The following EPHX1 variants were observed in gnomAD, a reference collection of about 807,000 sequenced individuals.
EPHX1 encodes epoxide hydrolase 1, also known as epoxide hydratase.
A neutral mutation model predicts 43.2 loss-of-function variants in EPHX1; 40 were observed. The ratio of observed to expected loss-of-function variants is 0.93; its 90% CI spans 0.72 to 1.21. EPHX1 has a LOEUF of 1.21. Among genes scored for constraint, EPHX1 ranks in the 50% most tolerant of loss-of-function variants. The probability of loss-of-function intolerance (pLI) is 0.00; values close to 1 mark genes in which losing one functional copy is unlikely to be tolerated. For synonymous variants in EPHX1, 221 were observed against 226.7 expected, an observed-to-expected ratio of 0.98 and a Z score of 0.22; for missense variants, 550 against 570.4, an observed-to-expected ratio of 0.96 and a Z score of 0.36.
At chr1:225,839,080 T>TC in intron 4 of EPHX1, 137 bp from the exon 5 acceptor site, 9 of 1,456,844 alleles carry the variant, frequency 6.2e-6, no homozygotes, top group Non-Finnish European at 7.5e-6. Flanking sequence ...GCTCCAGGAT[T>TC]CCTTCTTGCC....
chr1:225,828,824 G>T lies in EPHX1; in HGVS notation c.95G>T (p.Gly32Val). ...DKEETLPLED[G>V]WWGPGTRSAA... ...GAGGAAACTTTGCCACTTGAAGATGGGTGGTGGGGGCCAGGCACGAGGTCC... is the reference window on the plus strand; with the variant it reads ...GAGGAAACTTTGCCACTTGAAGATGTGTGGTGGGGGCCAGGCACGAGGTCC... Residue 32 changes from glycine to valine, a missense_variant, in exon 2 of 9, where the codon GGG becomes GTG. Gly to Val is a moderately radical substitution (Grantham distance 109, BLOSUM62 -3). Transcript: ENST00000272167. The T allele has an allele frequency of 6.2e-7, 1 of 1,613,484 alleles. No individual in the cohort carries two copies. The highest frequency in any genetic ancestry group is 8.5e-7 in the Non-Finnish European group (1 of 1,179,816).
intron 1 of EPHX1, among the ~76,000 whole-genome samples, chr1:225,819,966 G>A (rs542086556): frequency 6.6e-5 from 10 of 152,324 alleles, no homozygotes; most frequent in South Asian, 2.1e-4. Context: ...ATCTGATGGC[G>A]TATTTGCCGC....
At chr1:225,837,862 A>G (rs1226876851) in intron 3 of EPHX1, among the ~76,000 whole-genome samples, 2 of 152,202 alleles carry the variant, frequency 1.3e-5, no homozygotes, top group Non-Finnish European at 1.5e-5. Context: ...TGGTAATCAG[A>G]AAAAGGTGAC....
At chr1:225,841,587 C>CCCACTGTCCCAGCCTTTTTTTTTT (rs1668419730) in intron 6 of EPHX1, among the ~76,000 whole-genome samples, 1 of 144,342 alleles carries the variant, frequency 6.9e-6, no homozygotes, top group Non-Finnish European at 1.5e-5. Flanking sequence ...CCCAGCCTGT[C>CCCACTGTCCCAGCCTTTTTTTTTT]CCACTGTCCC....
intron 1 of EPHX1, chr1:225,825,216 G>A (rs944973574): frequency 7.9e-5 from 12 of 152,184 alleles, no homozygotes; most frequent in Admixed American, 7.2e-4. Context: ...GGTCAGCGTG[G>A]TTCAGTTTGC....
chr1:225,827,086 G>A (rs989328412), intron 1 of EPHX1, among the ~76,000 whole-genome samples: 1 of 152,178 alleles, frequency 6.6e-6, no homozygotes, highest in African/African-American at 2.4e-5. Flanking sequence ...ACGACCCCCA[G>A]TAGCCCAATT....
intron 1 of EPHX1, among the ~76,000 whole-genome samples, chr1:225,811,311 T>C (rs1022140863): frequency 6.6e-6 from 1 of 152,122 alleles, no homozygotes; most frequent in African/African-American, 2.4e-5. Context: ...GACTTTTTTT[T>C]CTTAAAGTTG....
At chr1:225,839,377 G>GTGTT (rs767062035) in intron 5 of EPHX1, 31 bp downstream of exon 5, 113 of 1,579,512 alleles carry the variant, frequency 7.2e-5, no homozygotes, top group Admixed American at 1.9e-4. Flanking sequence ...GTGTGTGTGT[G>GTGTT]TGTGTGTGTG....
intron 3 of EPHX1, among the ~76,000 whole-genome samples, chr1:225,833,774 G>A (rs867806717): frequency 6.5e-4 from 91 of 140,196 alleles, no homozygotes; most frequent in African/African-American, 2.3e-3. Context: ...CAGCCTGGGC[G>A]ACAGAATGAG....
intron 3 of EPHX1, among the ~76,000 whole-genome samples, chr1:225,837,454 A>C (rs1026464332): frequency 2.0e-5 from 3 of 152,168 alleles, no homozygotes; most frequent in African/African-American, 7.2e-5. Flanking sequence ...ACAAGAATCC[A>C]TTCACCTGCC....
chr1:225,840,268 T>C (rs904117958), intron 6 of EPHX1, among the ~76,000 whole-genome samples: 8 of 152,338 alleles, frequency 5.3e-5, no homozygotes, highest in African/African-American at 1.7e-4. Context: ...TCAGTATTCA[T>C]AGTGGCTTTC....
At chr1:225,842,142 G>C (rs1314384076) in intron 6 of EPHX1, among the ~76,000 whole-genome samples, 1 of 152,238 alleles carries the variant, frequency 6.6e-6, no homozygotes, top group Non-Finnish European at 1.5e-5. Flanking sequence ...CAGGCCCTGG[G>C]AGACAGTGGG....
intron 3 of EPHX1, chr1:225,832,277 G>C (rs1667652206): frequency 5.3e-6 from 2 of 377,140 alleles, no homozygotes; most frequent in African/African-American, 4.2e-5. Flanking sequence ...GGGTGGCTCA[G>C]AACTGTAATC....
At position 225,845,154 on chromosome 1, in the gene EPHX1, T is replaced by G. The variant is rs1430062586; in HGVS notation, c.1175T>G (p.Val392Gly). The G allele has an allele frequency of 1.2e-6, 2 of 1,613,704 alleles. No homozygotes were observed. The highest frequency in any genetic ancestry group is 8.5e-7 in the Non-Finnish European group (1 of 1,179,960). The change falls in exon 9 of 9, where the codon GTC (valine) becomes GGC (glycine). Residue 392 changes from valine to glycine, a missense_variant. Transcript: ENST00000272167. ...WMTQKHERMK[V>G]YVPTGFSAFP... The stretch of plus-strand genomic sequence containing the variant: ...GGCTCTTTCACTTCCAGGATGAAGG[T>G]CTATGTGCCCACTGGCTTCTCTGCC...
intron 7 of EPHX1, among the ~76,000 whole-genome samples, chr1:225,844,231 C>T (rs1343027810): frequency 1.3e-5 from 2 of 150,158 alleles, no homozygotes; most frequent in African/African-American, 4.9e-5. Flanking sequence ...AGGTCAGTGG[C>T]AGGAGAGAGG....
chr1:225,831,374 C>T (rs1321448940), intron 2 of EPHX1, among the ~76,000 whole-genome samples: 4 of 152,076 alleles, frequency 2.6e-5, no homozygotes, highest in Non-Finnish European at 4.4e-5. Flanking sequence ...CATGGCAAAA[C>T]CCCGTCTCTA....
At chr1:225,814,963 A>G (rs991666308) in intron 1 of EPHX1, among the ~76,000 whole-genome samples, 3 of 152,246 alleles carry the variant, frequency 2.0e-5, no homozygotes, top group African/African-American at 7.2e-5. Context: ...CAGTGATAAG[A>G]GAAGACTGAC....
At chr1:225,832,983 A>G (rs933785280) in intron 3 of EPHX1, among the ~76,000 whole-genome samples, 9 of 152,290 alleles carry the variant, frequency 5.9e-5, no homozygotes, top group Middle Eastern at 3.4e-3. Context: ...GGGTTGCCAT[A>G]CAATTAATCT....
intron 3 of EPHX1, among the ~76,000 whole-genome samples, chr1:225,835,185 C>T (rs141211561): frequency 1.3e-5 from 2 of 152,246 alleles, no homozygotes; most frequent in East Asian, 3.9e-4. Flanking sequence ...CAGCTGCCAG[C>T]CTTACCCCAC....
Sources: gnomAD v4.1 joint callset for allele counts (sites outside exome capture counted in the v4.1 genomes callset) on GRCh38, gnomAD v4.1.1 for gene constraint, MANE v1.5 for transcripts, NCBI Gene and HGNC (gene_info 2026-07-23, HGNC 2026-07-21) for gene names.